The following PLCB1 variants were observed in gnomAD, a reference collection of about 807,000 sequenced individuals.
PLCB1 encodes 1-phosphatidylinositol 4,5-bisphosphate phosphodiesterase beta-1.
In PLCB1, 46 loss-of-function variants were observed where a neutral mutation model predicts 161.8. The ratio of observed to expected loss-of-function variants is 0.28; its 90% CI spans 0.22 to 0.36. The LOEUF is 0.36. Among genes scored for constraint, PLCB1 ranks in the 10% least tolerant of loss-of-function variants. The pLI, the probability that PLCB1 is intolerant of heterozygous loss-of-function variation, is 1.00. For synonymous variants in PLCB1, 517 were observed against 503.7 expected (o/e 1.03, Z -0.35); for missense variants, 1,016 against 1,472.5 (o/e 0.69, Z 5.07).
At chr20:8,604,099 A>G (rs1230430398) in intron 3 of PLCB1, among the ~76,000 whole-genome samples, 3 of 152,030 alleles carry the variant, frequency 2.0e-5, no homozygotes, top group African/African-American at 7.2e-5. Flanking sequence ...TTGAAAACAC[A>G]AAAATTAGCT....
chr20:8,747,150 C>G (rs1981214566), intron 23 of PLCB1, among the ~76,000 whole-genome samples: 1 of 152,200 alleles, frequency 6.6e-6, no homozygotes, highest in Non-Finnish European at 1.5e-5. Flanking sequence ...ACAGTAACAT[C>G]TTTTGATTGA....
intron 1 of PLCB1, among the ~76,000 whole-genome samples, chr20:8,146,098 T>G (rs1057104743): frequency 2.9e-5 from 3 of 102,254 alleles, no homozygotes; most frequent in Non-Finnish European, 3.7e-5. Context: ...CTGTTTTTGT[T>G]TTTTTTGTTT....
At position 8,658,634 on chromosome 20, in the gene PLCB1, AC is replaced by A; in HGVS notation, c.794del (p.Pro265LeufsTer2). On this transcript the variant is annotated frameshift_variant, in exon 9 of 32. Transcript: ENST00000338037. LOFTEE classifies it high-confidence loss of function. ...CTCGGCTTAATGAAATACTTTATCC[AC>A]CTCTAAAACAAGAGCAAGTCCAAGT... ...DPRLNEILYP[P>X]LKQEQVQVLI... is the part of the protein sequence containing the mutation. 6.2e-7 allele frequency: 1 copy of A among 1,613,060 alleles called. No homozygotes were observed. The highest frequency in any genetic ancestry group is 8.5e-7 in the Non-Finnish European group (1 of 1,179,366).
intron 4 of PLCB1, among the ~76,000 whole-genome samples, chr20:8,636,687 G>T (rs1437769971): frequency 3.3e-5 from 5 of 152,176 alleles, no homozygotes; most frequent in Non-Finnish European, 5.9e-5. Context: ...TGTCTTTTCT[G>T]CATTTGCTAG....
At chr20:8,714,062 A>G (rs1979166287) in intron 12 of PLCB1, among the ~76,000 whole-genome samples, 1 of 152,086 alleles carries the variant, frequency 6.6e-6, no homozygotes, top group African/African-American at 2.4e-5. Flanking sequence ...CCAATTTCCA[A>G]CAGTCAGGAA....
chr20:8,308,826 A>T, intron 2 of PLCB1, among the ~76,000 whole-genome samples: 1 of 152,130 alleles, frequency 6.6e-6, no homozygotes, highest in East Asian at 1.9e-4. Context: ...ATAATAATAA[A>T]AAATAATAAT....
chr20:8,395,297 C>T (rs979534371), intron 3 of PLCB1, among the ~76,000 whole-genome samples: 2 of 151,866 alleles, frequency 1.3e-5, no homozygotes, highest in African/African-American at 4.8e-5. Flanking sequence ...ACATGCTTCT[C>T]TATTAATCAA....
chr20:8,413,845 T>C (rs1023397497), intron 3 of PLCB1, among the ~76,000 whole-genome samples: 25 of 152,338 alleles, frequency 1.6e-4, no homozygotes, highest in Admixed American at 1.2e-3. Flanking sequence ...CTTCTATGGA[T>C]GCGTTGCCTA....
At chr20:8,819,518 A>C (rs6056159) in intron 31 of PLCB1, among the ~76,000 whole-genome samples, 4,026 of 152,296 alleles carry the variant, frequency 0.026, 166 homozygotes, top group African/African-American at 0.092. Flanking sequence ...ATTTGGGCTA[A>C]ATTGAAGGTA....
intron 3 of PLCB1, among the ~76,000 whole-genome samples, chr20:8,382,642 G>A (rs112828893): frequency 4.0e-5 from 6 of 150,746 alleles, no homozygotes; most frequent in African/African-American, 7.3e-5. Context: ...TCCACCTCCC[G>A]GGTTCACACC....
chr20:8,150,226 A>C, intron 1 of PLCB1, 68 bp from the exon 2 acceptor site: 1 of 672,164 alleles, frequency 1.5e-6, no homozygotes, highest in Middle Eastern at 2.8e-4. Flanking sequence ...TTACTTCTTA[A>C]ATAACTCCTG....
At chr20:8,429,829 A>T (rs963399942) in intron 3 of PLCB1, among the ~76,000 whole-genome samples, 1 of 151,992 alleles carries the variant, frequency 6.6e-6, no homozygotes, top group African/African-American at 2.4e-5. Context: ...GCTCTATATT[A>T]CCCTGTTTAT....
At chr20:8,168,099 C>T (rs1226996788) in intron 2 of PLCB1, among the ~76,000 whole-genome samples, 1 of 152,184 alleles carries the variant, frequency 6.6e-6, no homozygotes, top group Non-Finnish European at 1.5e-5. Flanking sequence ...AGGGTGGAAG[C>T]TGCAAAGCCC....
intron 3 of PLCB1, among the ~76,000 whole-genome samples, chr20:8,403,680 A>C (rs535162853): frequency 6.6e-6 from 1 of 152,320 alleles, no homozygotes; most frequent in East Asian, 1.9e-4. Context: ...GGATCACTTG[A>C]GCCCAGGAAG....
intron 1 of PLCB1, among the ~76,000 whole-genome samples, chr20:8,133,869 C>G (rs1479552762): frequency 6.6e-6 from 1 of 152,192 alleles, no homozygotes; most frequent in Non-Finnish European, 1.5e-5. Context: ...TAAATTATAG[C>G]CTGTTATCCT....
intron 27 of PLCB1, among the ~76,000 whole-genome samples, chr20:8,777,451 G>C (rs757849330): frequency 6.6e-6 from 1 of 151,996 alleles, no homozygotes; most frequent in African/African-American, 2.4e-5. Context: ...GGGTGCGGTG[G>C]CTCACACCTG....
intron 3 of PLCB1, among the ~76,000 whole-genome samples, chr20:8,542,206 C>G (rs1490052125): frequency 6.6e-6 from 1 of 152,178 alleles, no homozygotes; most frequent in East Asian, 1.9e-4. Flanking sequence ...CGGTTCTTTC[C>G]TACGTGTGAA....
intron 31 of PLCB1, among the ~76,000 whole-genome samples, chr20:8,809,672 T>G (rs951652654): frequency 6.6e-6 from 1 of 152,078 alleles, no homozygotes; most frequent in Non-Finnish European, 1.5e-5. Context: ...TTTCCATGGT[T>G]GAAACATTAT....
chr20:8,712,931 G>A (rs894205923), intron 12 of PLCB1, among the ~76,000 whole-genome samples: 5 of 152,050 alleles, frequency 3.3e-5, no homozygotes, highest in African/African-American at 1.2e-4. Flanking sequence ...AAACACTTCA[G>A]GATTTTGTTT....
Sources: allele counts gnomAD v4.1 joint callset (sites outside exome capture counted in the v4.1 genomes callset), GRCh38; gene constraint gnomAD v4.1.1; transcripts MANE v1.5; gene names NCBI Gene and HGNC (gene_info 2026-07-23, HGNC 2026-07-21).